The following NTN1 variants were observed in gnomAD, a reference collection of about 807,000 sequenced individuals.
NTN1 encodes the protein netrin-1.
Under a neutral mutation model 54.2 loss-of-function variants are expected in NTN1, and 11 were observed. The observed-to-expected ratio is 0.20, with a 90% CI of 0.13 to 0.34. The LOEUF (loss-of-function observed/expected upper bound fraction) is 0.34, where lower values mean the gene tolerates loss of function less well. Ranked by LOEUF, NTN1 falls within the 10% of genes least tolerant of loss-of-function variation. NTN1 has a pLI of 1.00. For synonymous variants in NTN1, 371 were observed against 382.0 expected, an observed-to-expected ratio of 0.97 and a Z score of 0.33; for missense variants, 740 against 893.1, an observed-to-expected ratio of 0.83 and a Z score of 2.18.
In NTN1 at chr17:9,233,651, G is replaced by A. The variant is rs923784682; in HGVS notation, c.1487-5989G>A. Among the ~76,000 whole-genome samples, 3 of 151,982 alleles carry A rather than the reference G, an allele frequency of 2.0e-5. No homozygotes were observed. In the East Asian group the frequency reaches 5.8e-4, roughly 29 times the overall value. On this transcript the variant is annotated intron_variant, in intron 6 of 6. Transcript: ENST00000173229. ...GGATGCTCCAAGTCCCCCTCTGGAG[G>A]AATCTAAGCATAGGCTGTGACCTAG...
chr17:9,010,574 A>G, the NTN1 span, among the ~76,000 whole-genome samples: 4 of 152,222 alleles, frequency 2.6e-5, no homozygotes, highest in Non-Finnish European at 5.9e-5. Context: ...ATGTCTTTTA[A>G]GATTTGAAGA....
intron 2 of NTN1, among the ~76,000 whole-genome samples, chr17:9,050,566 A>G (rs1218166507): frequency 6.8e-6 from 1 of 146,836 alleles, no homozygotes; most frequent in African/African-American, 2.5e-5. Flanking sequence ...GCCACTCGGG[A>G]GGCTGAGACA....
intron 2 of NTN1, among the ~76,000 whole-genome samples, chr17:9,080,769 A>G (rs916321360): frequency 1.3e-5 from 2 of 152,190 alleles, no homozygotes; most frequent in Non-Finnish European, 2.9e-5. Context: ...TTAATCAGTC[A>G]TGCCTGTGTA....
chr17:9,177,417 C>T (rs774010022), intron 3 of NTN1: 4 of 152,296 alleles, frequency 2.6e-5, no homozygotes, highest in African/African-American at 4.8e-5. Context: ...AGGGTGTCCA[C>T]GTGTGACTTG....
Position 9,135,056 on chromosome 17 carries a change from C to T in NTN1, c.1019-27757C>T, listed in dbSNP as rs969618756. On this transcript the variant is annotated intron_variant, in intron 2 of 6. Coordinates refer to ENST00000173229, the MANE Select transcript of NTN1 (RefSeq NM_004822.3). This position sits in a 1 kb window ranked among gnomAD's most constrained non-coding sequence, Gnocchi z 4.4. The stretch of plus-strand genomic sequence containing the variant: ...ACCCCCATACCCAGACCAAATTCTC[C>T]GAGTGCTGTACCTGGACACGGGTGT... Among the ~76,000 whole-genome samples the T allele has an allele frequency of 2.0e-5, 3 of 152,224 alleles. No homozygotes were observed. The highest frequency in any genetic ancestry group is 1.9e-4 in the East Asian group (1 of 5,184).
chr17:9,144,481 C>T (rs1392352290), intron 2 of NTN1, among the ~76,000 whole-genome samples: 1 of 152,196 alleles, frequency 6.6e-6, no homozygotes, highest in African/African-American at 2.4e-5. Flanking sequence ...GATTTGAACT[C>T]CTGCATCGGC....
At chr17:9,163,023 G>A (rs563402359) in intron 3 of NTN1, 22 bp downstream of exon 3, 29 of 1,569,596 alleles carry the variant, frequency 1.8e-5, no homozygotes, top group South Asian at 1.8e-4. Context: ...GTGGCGGGGC[G>A]GGGGGCTGGG....
At chr17:9,196,032 T>C (rs1355225285) in intron 5 of NTN1, among the ~76,000 whole-genome samples, 3 of 152,120 alleles carry the variant, frequency 2.0e-5, no homozygotes, top group Non-Finnish European at 4.4e-5. Flanking sequence ...AAGGATACAT[T>C]TGGCCCCTTC....
intron 5 of NTN1, among the ~76,000 whole-genome samples, chr17:9,186,601 G>A (rs1374889062): frequency 2.0e-5 from 3 of 152,218 alleles, no homozygotes; most frequent in Non-Finnish European, 2.9e-5. Flanking sequence ...GGCTGCCAAG[G>A]GCACCCTTGC....
chr17:9,152,697 C>G (rs2092331008), intron 2 of NTN1, among the ~76,000 whole-genome samples: 1 of 152,210 alleles, frequency 6.6e-6, no homozygotes, highest in African/African-American at 2.4e-5. Flanking sequence ...TGATGTGAGT[C>G]TGCTGATCTG....
At chr17:9,192,082 G>A (rs1904478605) in intron 5 of NTN1, among the ~76,000 whole-genome samples, 1 of 152,152 alleles carries the variant, frequency 6.6e-6, no homozygotes, top group Admixed American at 6.5e-5. Flanking sequence ...ACCTACTCTG[G>A]TGGTGGGAGG....
chr17:9,048,331 TTCTG>T (rs2091947653), intron 2 of NTN1, among the ~76,000 whole-genome samples: 4 of 151,430 alleles, frequency 2.6e-5, no homozygotes, highest in Non-Finnish European at 4.4e-5. Flanking sequence ...TTTTTTTTCT[TTCTG>T]AGCAGTAGGT....
At chr17:9,089,932 G>A (rs1340613993) in intron 2 of NTN1, among the ~76,000 whole-genome samples, 1 of 152,030 alleles carries the variant, frequency 6.6e-6, no homozygotes, top group Non-Finnish European at 1.5e-5. Context: ...CAGTAGGGTA[G>A]TTACTAAGCA....
At chr17:9,095,356 T>C (rs1366433143) in intron 2 of NTN1, among the ~76,000 whole-genome samples, 1 of 152,264 alleles carries the variant, frequency 6.6e-6, no homozygotes, top group East Asian at 1.9e-4. Flanking sequence ...GGTTATAAGA[T>C]ATTCATCTAC....
At position 9,022,452 on chromosome 17, in the gene NTN1, G is replaced by C. The variant is rs928391967; in HGVS notation, c.79G>C (p.Gly27Arg). The C allele has an allele frequency of 8.8e-6, 13 of 1,477,890 alleles. No homozygotes were observed. Among genetic ancestry groups the C allele is most frequent in the Non-Finnish European group, 1.1e-5 (12 of 1,121,692 alleles). The allele number at this position is 1,477,890 out of a possible 1,614,324, so 91.5% of individuals were successfully genotyped here. Residue 27 changes from glycine (G) to arginine (R), a missense_variant, in exon 2 of 7, where the codon GGG (glycine) becomes CGG (arginine). Gly to Arg is a moderately radical substitution (Grantham distance 125, BLOSUM62 -2). Coordinates refer to ENST00000173229, the MANE Select transcript of NTN1 (RefSeq NM_004822.3). ...CLVGAVRGGP[G>R]LSMFAGQAAQ... ...GGTGGGCGCGGTGCGCGGCGGGCCC[G>C]GGCTCAGCATGTTCGCGGGCCAGGC... is the stretch of plus-strand genomic sequence containing the variant.
At chr17:9,171,785 G>T (rs1416185445) in intron 3 of NTN1, 2 of 152,184 alleles carry the variant, frequency 1.3e-5, no homozygotes, top group Non-Finnish European at 2.9e-5. Flanking sequence ...GGGGTGGGAA[G>T]AGTCAGCTCC....
At chr17:9,131,747 A>AT (rs1238005371) in intron 2 of NTN1, among the ~76,000 whole-genome samples, 2 of 151,202 alleles carry the variant, frequency 1.3e-5, no homozygotes, top group East Asian at 1.9e-4. Flanking sequence ...CGCCTGGCTA[A>AT]TTTTTTGTAT....
intron 2 of NTN1, among the ~76,000 whole-genome samples, chr17:9,114,158 A>ATATATATAT (rs1224438013): frequency 2.6e-4 from 25 of 95,040 alleles, no homozygotes; most frequent in African/African-American, 5.6e-4. Context: ...AAAAAGAAAA[A>ATATATATAT]AAAAAAAAAT....
intron 4 of NTN1, among the ~76,000 whole-genome samples, chr17:9,180,714 G>A (rs1214368860): frequency 1.3e-5 from 2 of 152,172 alleles, no homozygotes; most frequent in East Asian, 1.9e-4. Flanking sequence ...TTCCATGCAC[G>A]GCACCTGTGT....
Sources: allele counts gnomAD v4.1 joint callset (sites outside exome capture counted in the v4.1 genomes callset), GRCh38; gene constraint gnomAD v4.1.1; non-coding constraint Gnocchi (gnomAD v3.1); transcripts MANE v1.5; gene names NCBI Gene and HGNC (gene_info 2026-07-23, HGNC 2026-07-21).